The following CTU2 variants were observed in gnomAD, a reference collection of about 807,000 sequenced individuals.
CTU2 encodes cytoplasmic tRNA 2-thiolation protein 2.
A neutral mutation model predicts 64.1 loss-of-function variants in CTU2; 80 were observed. The ratio of observed to expected loss-of-function variants is 1.25; its 90% CI spans 1.04 to 1.50. The LOEUF is 1.50. Ranked by LOEUF, CTU2 falls within the 40% of genes most tolerant of loss-of-function variation. The pLI is 0.00. For missense variants in CTU2, 1,110 were observed against 690.2 expected (o/e 1.61, Z -6.81); for synonymous variants, 482 against 285.3 (o/e 1.69, Z -6.95).
At chr16:88,706,872 C>G (rs1043768394) in intron 1 of CTU2, 2 of 559,522 alleles carry the variant, frequency 3.6e-6, no homozygotes, top group Non-Finnish European at 6.4e-6. Context: ...GTGAAGCTGT[C>G]TCGCCTCCCC....
intron 1 of CTU2, chr16:88,706,856 G>T (rs934300248): frequency 1.8e-6 from 1 of 559,910 alleles, no homozygotes; most frequent in Non-Finnish European, 3.2e-6. Context: ...GGAGAGAACT[G>T]GTGCCGTGAA....
In CTU2 at chr16:88,714,874, C is replaced by G. The variant is rs567127103; in HGVS notation, c.1367C>G (p.Ala456Gly). The change falls in exon 13 of 15, where the codon GCC (alanine) becomes GGC (glycine). Residue 456 changes from alanine to glycine, a missense_variant. Coordinates refer to ENST00000453996, the MANE Select transcript of CTU2 (RefSeq NM_001012759.3). ...QGACRREDPQ[A>G]CIEEQLCYSC... Reference sequence around the variant, plus strand: ...TGCTCCCGCAGGGAGGACCCCCAAGCCTGCATTGAGGAGCAGCTGTGCTAC... The same window carrying G: ...TGCTCCCGCAGGGAGGACCCCCAAGGCTGCATTGAGGAGCAGCTGTGCTAC... 6.2e-7 allele frequency: 1 copy of G among 1,612,656 alleles called. No individual in the cohort carries two copies. The highest frequency in any genetic ancestry group is 8.5e-7 in the Non-Finnish European group (1 of 1,179,900).
chr16:88,712,134 G>T, intron 5 of CTU2, 140 bp from the exon 6 acceptor site: 1 of 773,588 alleles, frequency 1.3e-6, no homozygotes, highest in Non-Finnish European at 2.2e-6. Flanking sequence ...AAGGAAAATG[G>T]CCGACACCCC....
intron 8 of CTU2, 70 bp from the exon 9 acceptor site, chr16:88,713,577 A>C: frequency 6.4e-7 from 1 of 1,574,150 alleles, no homozygotes; most frequent in Admixed American, 1.8e-5. Context: ...GACCTCCCCT[A>C]CCTGGCAGGG....
At position 88,709,948 on chromosome 16, in the gene CTU2, A is replaced by G; in HGVS notation, c.154A>G (p.Lys52Glu). The G allele has an allele frequency of 6.2e-7, 1 of 1,613,926 alleles. No individual in the cohort carries two copies. The highest frequency in any genetic ancestry group is 8.5e-7 in the Non-Finnish European group (1 of 1,179,972). ...AGGTCTGTGTTGCAGGGACTGTTTC[A>G]AGGCCTTCTACGTCCACAAGTTCAG... ...AGDAFCRDCF[K>E]AFYVHKFRAM... The change falls in exon 3 of 15, where the codon AAG becomes GAG. Residue 52 changes from lysine to glutamate, a missense_variant. By Grantham distance (56) the Lys-to-Glu change is moderately conservative. Coordinates refer to ENST00000453996, the MANE Select transcript of CTU2 (RefSeq NM_001012759.3).
Position 88,713,372 on chromosome 16 carries a change from C to G in CTU2, c.798C>G (p.Asp266Glu), listed in dbSNP as rs757733656. Residue 266 changes from aspartate (D) to glutamate (E), a missense_variant, in exon 8 of 15, where the codon GAC becomes GAG. Physicochemically the swap from Asp to Glu is conservative, Grantham distance 45. Transcript: ENST00000453996. Reference protein sequence around the residue: ...AHGYSKVMTGDSCTRLAIKLM... With the variant: ...AHGYSKVMTGESCTRLAIKLM... ...GCTACTCCAAGGTCATGACTGGGGACAGCTGCACACGCTTGGCTATCAAGC... is the reference window on the plus strand; with the variant it reads ...GCTACTCCAAGGTCATGACTGGGGAGAGCTGCACACGCTTGGCTATCAAGC... The G allele has an allele frequency of 3.7e-6, 6 of 1,604,446 alleles. No individual in the cohort carries two copies. In the Admixed American group the frequency reaches 8.5e-5, roughly 23 times the overall value.
intron 2 of CTU2, among the ~76,000 whole-genome samples, chr16:88,708,150 A>G (rs915990227): frequency 1.2e-4 from 18 of 152,138 alleles, no homozygotes; most frequent in African/African-American, 4.3e-4. Flanking sequence ...GGAGCATCTG[A>G]AATTGCCAAG....
intron 5 of CTU2, 93 bp from the exon 6 acceptor site, chr16:88,712,181 G>C: frequency 9.3e-7 from 1 of 1,076,838 alleles, no homozygotes; most frequent in Non-Finnish European, 1.4e-6. Context: ...GCGGAGCGAG[G>C]CCTCGAAGGG....
At chr16:88,706,723 C>T (rs1910872078) in intron 1 of CTU2, 125 bp downstream of exon 1, 2 of 672,730 alleles carry the variant, frequency 3.0e-6, no homozygotes, top group Non-Finnish European at 4.5e-6. Context: ...CGCTCCCTAG[C>T]ACTCGGGGAA....
intron 3 of CTU2, 34 bp downstream of exon 3, chr16:88,710,050 G>A (rs1388237190): frequency 1.2e-6 from 2 of 1,609,840 alleles, no homozygotes; most frequent in Non-Finnish European, 1.7e-6. Flanking sequence ...TGACTGAGCA[G>A]CCTGGCCCCT....
At chr16:88,710,330 G>T in intron 4 of CTU2, 48 bp downstream of exon 4, 1 of 1,600,756 alleles carries the variant, frequency 6.2e-7, no homozygotes, top group South Asian at 1.1e-5. Flanking sequence ...CTGAGCTTCA[G>T]GCTGGGGGCC....
chr16:88,710,605 T>A (rs1911246085), intron 4 of CTU2: 1 of 361,682 alleles, frequency 2.8e-6, no homozygotes, highest in African/African-American at 2.1e-5. Context: ...CCACAGTGCG[T>A]GTGTGCGGCC....
rs144950335 is a variant in CTU2 at position 88,710,314 on chromosome 16, G to A, written c.282+32G>A. 4.1e-4 allele frequency: 655 copies of A among 1,611,202 alleles called. 3 individuals carry two copies. The African/African-American group carries it at 7.0e-3, about 17-fold the overall frequency. On this transcript the variant is annotated intron_variant, in intron 4 of 14. Transcript: ENST00000453996. Reference sequence around the variant, plus strand: ...GTTCACCACCCCGTGGGCCCGGGCTGCTGGGCTGAGCTTCAGGCTGGGGGC... The same window carrying A: ...GTTCACCACCCCGTGGGCCCGGGCTACTGGGCTGAGCTTCAGGCTGGGGGC...
chr16:88,712,510 C>G, intron 6 of CTU2, 112 bp from the exon 7 acceptor site: 1 of 1,477,916 alleles, frequency 6.8e-7, no homozygotes, highest in Non-Finnish European at 9.1e-7. Flanking sequence ...TGGGAGGCAC[C>G]TGCCCGTGCC....
intron 4 of CTU2, among the ~76,000 whole-genome samples, chr16:88,711,392 C>G (rs537365062): frequency 6.6e-6 from 1 of 152,132 alleles, no homozygotes; most frequent in Non-Finnish European, 1.5e-5. Context: ...TGGTGAGGGG[C>G]ATGTTTTACC....
intron 1 of CTU2, 78 bp from the exon 2 acceptor site, chr16:88,707,058 G>C (rs1910916028): frequency 7.0e-7 from 1 of 1,425,168 alleles, no homozygotes; most frequent in Admixed American, 1.7e-5. Flanking sequence ...AGAAACAGGA[G>C]CTGTCTCCCC....
Position 88,713,449 on chromosome 16 carries a change from TA to T in CTU2, c.873+3del, listed in dbSNP as rs746377855. On this transcript the variant is annotated splice_donor_region_variant and intron_variant, in intron 8 of 14. Coordinates refer to ENST00000453996, the MANE Select transcript of CTU2 (RefSeq NM_001012759.3). Reference sequence around the variant, plus strand: ...GGGGCCTTCCTGGCCTGGGATACGGTAGGCAGGGGCCTGGGTGTTCAGGAGG... The same window carrying T: ...GGGGCCTTCCTGGCCTGGGATACGGTGGCAGGGGCCTGGGTGTTCAGGAGG... The T allele has an allele frequency of 6.3e-6, 10 of 1,575,510 alleles. No homozygotes were observed. The South Asian group carries it at 1.2e-4, about 18-fold the overall frequency.
chr16:88,712,496 G>A (rs1035660661), intron 6 of CTU2, 113 bp downstream of exon 6: 35 of 1,453,874 alleles, frequency 2.4e-5, no homozygotes, highest in Non-Finnish European at 3.2e-5. Context: ...CTGTCGGTGG[G>A]GGGTGGGAGG....
At chr16:88,710,091 G>T (rs61744010) in intron 3 of CTU2, 75 bp downstream of exon 3, 623,120 of 1,577,542 alleles carry the variant, frequency 0.39, 134,748 homozygotes, top group Non-Finnish European at 0.45. Flanking sequence ...CCCACAGGCA[G>T]CCTGGCCTGC....
Sources: allele counts gnomAD v4.1 joint callset (sites outside exome capture counted in the v4.1 genomes callset), GRCh38; gene constraint gnomAD v4.1.1; transcripts MANE v1.5; gene names NCBI Gene and HGNC (gene_info 2026-07-23, HGNC 2026-07-21).